The following ATF6 variants were observed in gnomAD, a reference collection of about 807,000 sequenced individuals.
ATF6 encodes activating transcription factor 6, also known as cyclic AMP-dependent transcription factor ATF-6 alpha.
Under a neutral mutation model 83.6 loss-of-function variants are expected in ATF6, and 53 were observed. The observed-to-expected ratio is 0.63, with a 90% confidence interval of 0.51 to 0.80. ATF6 has a LOEUF of 0.80. Ranked by LOEUF, ATF6 falls within the 30% of genes least tolerant of loss-of-function variation. The pLI is 0.00. For synonymous variants in ATF6, 288 were observed against 285.8 expected, an observed-to-expected ratio of 1.01 and a Z score of -0.08; for missense variants, 744 against 797.9, an observed-to-expected ratio of 0.93 and a Z score of 0.81.
chr1:161,828,168 T>C (rs1685952133), intron 9 of ATF6, among the ~76,000 whole-genome samples: 1 of 152,190 alleles, frequency 6.6e-6, no homozygotes, highest in Non-Finnish European at 1.5e-5. Flanking sequence ...TACTATGCTG[T>C]AAAGTGTTAC....
chr1:161,799,821 A>G (rs1220632901), intron 6 of ATF6, among the ~76,000 whole-genome samples: 2 of 152,210 alleles, frequency 1.3e-5, no homozygotes, highest in South Asian at 2.1e-4. Flanking sequence ...TTTAGCCAAG[A>G]CAGATGTTCT....
At chr1:161,814,107 C>A (rs1279597746) in intron 7 of ATF6, among the ~76,000 whole-genome samples, 1 of 152,176 alleles carries the variant, frequency 6.6e-6, no homozygotes, top group African/African-American at 2.4e-5. Flanking sequence ...TGGTCTCGAA[C>A]TCCTGACCTC....
chr1:161,833,339 TC>T (rs1366192574), intron 9 of ATF6, among the ~76,000 whole-genome samples: 14 of 152,056 alleles, frequency 9.2e-5, no homozygotes, highest in African/African-American at 2.7e-4. Context: ...ACTCTAAAAA[TC>T]AGAGCGCCTC....
intron 15 of ATF6, among the ~76,000 whole-genome samples, chr1:161,924,311 A>G (rs1688268492): frequency 6.6e-6 from 1 of 152,184 alleles, no homozygotes; most frequent in South Asian, 2.1e-4. Context: ...AGAGATGTAC[A>G]TGCCAAAGAC....
chr1:161,823,378 T>C (rs1200561080), intron 9 of ATF6, among the ~76,000 whole-genome samples: 1 of 152,160 alleles, frequency 6.6e-6, no homozygotes, highest in Non-Finnish European at 1.5e-5. Flanking sequence ...AGTTTTTCTC[T>C]ATATACACAT....
At chr1:161,785,233 A>T (rs1417899333) in intron 4 of ATF6, among the ~76,000 whole-genome samples, 1 of 152,124 alleles carries the variant, frequency 6.6e-6, no homozygotes, top group Non-Finnish European at 1.5e-5. Context: ...GTTTTTGCAC[A>T]TCCTCTTTCT....
At chr1:161,774,208 C>G (rs2101717992) in intron 1 of ATF6, among the ~76,000 whole-genome samples, 1 of 152,248 alleles carries the variant, frequency 6.6e-6, no homozygotes, top group Admixed American at 6.5e-5. Context: ...GCTTGTATTT[C>G]TCTTCTGCCG....
intron 4 of ATF6, among the ~76,000 whole-genome samples, chr1:161,786,403 A>G (rs567890238): frequency 1.3e-5 from 2 of 151,722 alleles, no homozygotes; most frequent in South Asian, 4.2e-4. Context: ...TTTTTTCCCC[A>G]ATTTTTCTTT....
intron 14 of ATF6, among the ~76,000 whole-genome samples, chr1:161,907,464 G>C (rs1687898282): frequency 1.3e-5 from 2 of 152,140 alleles, no homozygotes; most frequent in Non-Finnish European, 2.9e-5. Flanking sequence ...GTTACTATTG[G>C]TCTGCTATGC....
chr1:161,928,630 A>T (rs917489311), intron 15 of ATF6, among the ~76,000 whole-genome samples: 4 of 134,526 alleles, frequency 3.0e-5, no homozygotes, highest in African/African-American at 1.1e-4. Context: ...TTTTTTTTAA[A>T]AAAAAAAGCA....
At chr1:161,871,772 A>G (rs1037503630) in intron 14 of ATF6, among the ~76,000 whole-genome samples, 3 of 151,558 alleles carry the variant, frequency 2.0e-5, no homozygotes, top group Non-Finnish European at 4.4e-5. Context: ...CAGTTTCCTT[A>G]TATGTTAAGT....
Position 161,846,531 on chromosome 1 carries a change from A to G in ATF6, c.1270A>G (p.Lys424Glu), listed in dbSNP as rs759526717. 1.9e-5 allele frequency: 31 copies of G among 1,611,978 alleles called. No individual in the cohort carries two copies. The highest frequency in any genetic ancestry group is 2.6e-5 in the Non-Finnish European group (31 of 1,178,700). ...GAGGCACCTTCTAGGATTTTCTGCT[A>G]AAGAGGCACAGGACACATCAGATGG... ...QRRHLLGFSA[K>E]EAQDTSDGII... The change falls in exon 10 of 16, where the codon AAA becomes GAA. Residue 424 changes from lysine to glutamate, a missense_variant. By Grantham distance (56) the Lys-to-Glu change is moderately conservative (BLOSUM62 1). Coordinates refer to ENST00000367942, the MANE Select transcript of ATF6 (RefSeq NM_007348.4).
chr1:161,958,866 A>G lies in ATF6; in HGVS notation c.*212A>G, dbSNP rs1241404027. The G allele has an allele frequency of 2.1e-6, 1 of 468,926 alleles. No individual in the cohort carries two copies. Among genetic ancestry groups the G allele is most frequent in the East Asian group, 3.4e-5 (1 of 29,172 alleles). The allele number at this position is 468,926 out of a possible 1,614,324, so 29.0% of individuals were successfully genotyped here. On this transcript the variant is annotated 3_prime_UTR_variant, in exon 16 of 16. Transcript: ENST00000367942. ...ACTGGAATTCAGATGCAAGAGAACA[A>G]TGTTTCTTCAGTGGCAAATGTAGCC...
At chr1:161,860,703 T>G (rs1267151391) in intron 13 of ATF6, among the ~76,000 whole-genome samples, 1 of 152,118 alleles carries the variant, frequency 6.6e-6, no homozygotes, top group Non-Finnish European at 1.5e-5. Flanking sequence ...ACTAAAAGTT[T>G]ATTTTATATA....
rs757452190 is a variant in ATF6, at chr1:161,821,078, G to T, written c.1104G>T (p.Arg368Ser). 1.9e-5 allele frequency: 30 copies of T among 1,608,466 alleles called. No homozygotes were observed. Among genetic ancestry groups the T allele is most frequent in the Non-Finnish European group, 2.3e-5 (27 of 1,177,090 alleles). Residue 368 changes from arginine to serine, a missense_variant, in exon 9 of 16, where the codon AGG (arginine) becomes AGT (serine). Arg to Ser is a moderately radical substitution (Grantham distance 110). Coordinates refer to ENST00000367942, the MANE Select transcript of ATF6 (RefSeq NM_007348.4). ...GTGGTCATTTCCTTTAGAACCAGAG[G>T]CTTAAAGTCCCTAGTCCAAAGCGAA... ...QLDEVVSENQ[R>S]LKVPSPKRRV...
At chr1:161,831,032 T>C (rs1363485858) in intron 9 of ATF6, among the ~76,000 whole-genome samples, 1 of 151,916 alleles carries the variant, frequency 6.6e-6, no homozygotes, top group East Asian at 1.9e-4. Context: ...TGGGAGAAAA[T>C]TTTTGCAATC....
At chr1:161,858,456 G>A (rs1159784638) in intron 12 of ATF6, among the ~76,000 whole-genome samples, 3 of 152,128 alleles carry the variant, frequency 2.0e-5, no homozygotes, top group African/African-American at 7.2e-5. Context: ...CAAACATGAA[G>A]CATTAAAAAG....
chr1:161,826,995 G>A (rs922699962), intron 9 of ATF6, among the ~76,000 whole-genome samples: 6 of 147,548 alleles, frequency 4.1e-5, no homozygotes, highest in Admixed American at 6.9e-5. Context: ...GCAGTGGTGC[G>A]ATCTTGGCTC....
At chr1:161,802,660 C>T (rs957052603) in intron 7 of ATF6, among the ~76,000 whole-genome samples, 7 of 152,138 alleles carry the variant, frequency 4.6e-5, no homozygotes, top group African/African-American at 1.4e-4. Flanking sequence ...AGATAAGAGT[C>T]TATAGATTAC....
Sources: gnomAD v4.1 joint callset for allele counts (sites outside exome capture counted in the v4.1 genomes callset) on GRCh38, gnomAD v4.1.1 for gene constraint, MANE v1.5 for transcripts, NCBI Gene and HGNC (gene_info 2026-07-23, HGNC 2026-07-21) for gene names.